Variants in TMPRSS5 observed in about 807,000 individuals in gnomAD.
TMPRSS5 encodes transmembrane protease serine 5.
In TMPRSS5, 45 loss-of-function variants were observed where a neutral mutation model predicts 59.7. The ratio of observed to expected loss-of-function variants is 0.75; its 90% CI spans 0.59 to 0.97. The LOEUF (loss-of-function observed/expected upper bound fraction) is 0.97, where lower values mean the gene tolerates loss of function less well. TMPRSS5 is among the 50% of genes least tolerant of loss of function. TMPRSS5 has a pLI of 0.00. For synonymous variants in TMPRSS5, 225 were observed against 232.0 expected, an observed-to-expected ratio of 0.97 and a Z score of 0.27; for missense variants, 585 against 596.7, an observed-to-expected ratio of 0.98 and a Z score of 0.20.
chr11:113,696,014 T>C (rs928844459), intron 6 of TMPRSS5, among the ~76,000 whole-genome samples: 23 of 152,176 alleles, frequency 1.5e-4, no homozygotes, highest in African/African-American at 5.3e-4. Flanking sequence ...GTCCAATGTC[T>C]AGACCCTCTT....
rs1426548496 is a variant in TMPRSS5 at position 113,699,088 on chromosome 11, C to G, written c.206-61G>C. On this transcript the variant is annotated intron_variant, in intron 3 of 12. Transcript: ENST00000299882. ...CAAAGGAAGGTGTCAAGGTGCTGACCTCCTCATCAGCCACCTTGCTCTCAG... is the reference window on the plus strand; with the variant it reads ...CAAAGGAAGGTGTCAAGGTGCTGACGTCCTCATCAGCCACCTTGCTCTCAG... The G allele has an allele frequency of 1.9e-6, 3 of 1,564,280 alleles. No individual in the cohort carries two copies. In the Admixed American group the frequency reaches 5.4e-5, roughly 28 times the overall value.
At chr11:113,691,273 A>T (rs945566738) in intron 9 of TMPRSS5, among the ~76,000 whole-genome samples, 1 of 152,166 alleles carries the variant, frequency 6.6e-6, no homozygotes, top group African/African-American at 2.4e-5. Flanking sequence ...TCTAATGAGG[A>T]CAGTGTTTCC....
At chr11:113,696,996 A>T (rs1565261289) in intron 5 of TMPRSS5, 25 bp from the exon 6 acceptor site, 1 of 1,509,558 alleles carries the variant, frequency 6.6e-7, no homozygotes, top group Non-Finnish European at 9.0e-7. Context: ...GGAATAGAAC[A>T]GGAGGAAATC....
intron 9 of TMPRSS5, 178 bp from the exon 10 acceptor site, chr11:113,691,117 C>T: frequency 1.7e-6 from 1 of 599,244 alleles, no homozygotes; most frequent in Admixed American, 3.0e-5. Context: ...ACTGTCCCAT[C>T]TTTGGGGTCC....
intron 9 of TMPRSS5, among the ~76,000 whole-genome samples, chr11:113,691,299 C>A (rs1952772968): frequency 6.6e-6 from 1 of 152,232 alleles, no homozygotes; most frequent in Non-Finnish European, 1.5e-5. Flanking sequence ...CGTGACATAT[C>A]CCATGGGTGC....
chr11:113,690,028 C>A, intron 11 of TMPRSS5, 111 bp from the exon 12 acceptor site: 1 of 1,308,632 alleles, frequency 7.6e-7, no homozygotes, highest in Non-Finnish European at 1.0e-6. Context: ...CCGCCTGCTT[C>A]TAGCTGAGAT....
At chr11:113,695,474 G>A in intron 6 of TMPRSS5, 31 bp from the exon 7 acceptor site, 1 of 1,613,212 alleles carries the variant, frequency 6.2e-7, no homozygotes. Context: ...CAAGAAGCTG[G>A]GCAGGGGCCG....
intron 8 of TMPRSS5, 81 bp from the exon 9 acceptor site, chr11:113,693,330 G>A: frequency 7.1e-7 from 1 of 1,413,412 alleles, no homozygotes. Flanking sequence ...GGAGGAAGCT[G>A]GCCAGAGCAG....
At chr11:113,690,473 C>T in intron 10 of TMPRSS5, 100 bp from the exon 11 acceptor site, 1 of 1,482,118 alleles carries the variant, frequency 6.7e-7, no homozygotes, top group Non-Finnish European at 9.0e-7. Context: ...GACAGGGAGA[C>T]CCAAAGAGGC....
At chr11:113,690,065 C>A (rs1952722665) in intron 11 of TMPRSS5, 148 bp from the exon 12 acceptor site, 33 of 1,278,178 alleles carry the variant, frequency 2.6e-5, no homozygotes, top group Non-Finnish European at 3.3e-5. Context: ...CCTCCTTAAA[C>A]CCTTAGCATG....
At chr11:113,695,505 A>G in intron 6 of TMPRSS5, 62 bp from the exon 7 acceptor site, 1 of 1,547,054 alleles carries the variant, frequency 6.5e-7, no homozygotes, top group Non-Finnish European at 8.9e-7. Flanking sequence ...ACACACATCC[A>G]AGGACGTGAA....
intron 11 of TMPRSS5, 105 bp from the exon 12 acceptor site, chr11:113,690,022 C>T: frequency 7.6e-7 from 1 of 1,316,676 alleles, no homozygotes; most frequent in Non-Finnish European, 1.0e-6. Flanking sequence ...TGGGCCCCGC[C>T]TGCTTCTAGC....
At chr11:113,697,891 AAC>A (rs1952974939) in intron 4 of TMPRSS5, among the ~76,000 whole-genome samples, 1 of 152,060 alleles carries the variant, frequency 6.6e-6, no homozygotes, top group Non-Finnish European at 1.5e-5. Flanking sequence ...CCCGCCCCCA[AAC>A]ACACACACAC....
At chr11:113,699,248 TCTCTCTCTCTCTCTCTCTCTCTCC>T (rs1953033766) in intron 3 of TMPRSS5, among the ~76,000 whole-genome samples, 4 of 84,858 alleles carry the variant, frequency 4.7e-5, no homozygotes, top group African/African-American at 6.8e-5. Context: ...TCTCTCTCTC[TCTCTCTCTCTCTCTCTCTCTCTCC>T]CTCTCTCTCT....
intron 7 of TMPRSS5, among the ~76,000 whole-genome samples, chr11:113,695,148 G>C (rs959183422): frequency 2.3e-4 from 35 of 152,208 alleles, no homozygotes; most frequent in Admixed American, 2.6e-4. Context: ...AAGGAAGAGA[G>C]TGGCAGGTAG....
intron 1 of TMPRSS5, among the ~76,000 whole-genome samples, chr11:113,701,489 C>CG (rs57193385): frequency 0.2 from 28,552 of 145,244 alleles, 2,855 homozygotes; most frequent in Non-Finnish European, 0.21. Flanking sequence ...TTTTTTTTGG[C>CG]GGGGGGGGGT....
intron 1 of TMPRSS5, among the ~76,000 whole-genome samples, chr11:113,705,271 T>C (rs2134835199): frequency 6.6e-6 from 1 of 152,276 alleles, no homozygotes; most frequent in South Asian, 2.1e-4. Context: ...ACTGTCTTCC[T>C]AACCCTCCAG....
intron 7 of TMPRSS5, among the ~76,000 whole-genome samples, 159 bp downstream of exon 7, chr11:113,695,241 C>T (rs1218648781): frequency 6.6e-6 from 1 of 152,142 alleles, no homozygotes; most frequent in Non-Finnish European, 1.5e-5. Flanking sequence ...TGGGGCAGAA[C>T]AGCAACTGCA....
At chr11:113,697,776 T>A (rs1952971210) in intron 4 of TMPRSS5, among the ~76,000 whole-genome samples, 2 of 152,188 alleles carry the variant, frequency 1.3e-5, no homozygotes, top group South Asian at 4.1e-4. Flanking sequence ...AAATGATGGA[T>A]CCAGGACTTA....
Sources: allele counts gnomAD v4.1 joint callset (sites outside exome capture counted in the v4.1 genomes callset), GRCh38; gene constraint gnomAD v4.1.1; transcripts MANE v1.5; gene names NCBI Gene and HGNC (gene_info 2026-07-23, HGNC 2026-07-21).